ARHGAP24: variants seen among roughly 807,000 people sequenced by gnomAD.
ARHGAP24 encodes rho GTPase-activating protein 24.
In ARHGAP24, 50 loss-of-function variants were observed where a neutral mutation model predicts 76.4. The observed-to-expected ratio is 0.65, with a 90% CI of 0.52 to 0.83. The LOEUF is 0.83. Among genes scored for constraint, ARHGAP24 ranks in the 40% least tolerant of loss-of-function variants. The pLI is 0.00. For missense variants in ARHGAP24, 930 were observed against 914.2 expected (o/e 1.02, Z -0.22); for synonymous variants, 345 against 323.3 (o/e 1.07, Z -0.72).
chr4:85,956,929 T>A (rs1737949388), intron 5 of ARHGAP24, among the ~76,000 whole-genome samples: 1 of 152,200 alleles, frequency 6.6e-6, no homozygotes, highest in Admixed American at 6.5e-5. Flanking sequence ...CCAAAGAGGG[T>A]AGCTGTTGCT....
At chr4:85,868,627 TAGGTGAAA>T (rs1732345802) in intron 3 of ARHGAP24, among the ~76,000 whole-genome samples, 1 of 152,118 alleles carries the variant, frequency 6.6e-6, no homozygotes. Flanking sequence ...AGAAAAGGAT[TAGGTGAAA>T]ACTAAGAAAG....
intron 2 of ARHGAP24, among the ~76,000 whole-genome samples, chr4:85,610,273 C>G (rs532504625): frequency 6.6e-6 from 1 of 151,540 alleles, no homozygotes; most frequent in Non-Finnish European, 1.5e-5. Flanking sequence ...GAAACCTTGT[C>G]TCTACTAAAA....
chr4:85,863,734 G>T (rs1338746149), intron 3 of ARHGAP24, among the ~76,000 whole-genome samples: 1 of 152,120 alleles, frequency 6.6e-6, no homozygotes, highest in Non-Finnish European at 1.5e-5. Context: ...CTGAATGTGT[G>T]CAGTGAGCTT....
intron 2 of ARHGAP24, among the ~76,000 whole-genome samples, chr4:85,677,330 G>A (rs1472540831): frequency 4.6e-5 from 7 of 152,150 alleles, no homozygotes; most frequent in Non-Finnish European, 8.8e-5. Flanking sequence ...CACATTCAGG[G>A]GTGGGAAGGA....
At chr4:85,880,853 A>G (rs764674827) in intron 3 of ARHGAP24, among the ~76,000 whole-genome samples, 1 of 152,218 alleles carries the variant, frequency 6.6e-6, no homozygotes, top group Non-Finnish European at 1.5e-5. Flanking sequence ...AGTTTGAGGT[A>G]CAATGCAAAA....
At chr4:85,636,677 A>G (rs1029343886) in intron 2 of ARHGAP24, among the ~76,000 whole-genome samples, 2 of 152,034 alleles carry the variant, frequency 1.3e-5, no homozygotes, top group African/African-American at 4.8e-5. Flanking sequence ...GGTGGAAATA[A>G]CACAATTTGG....
intron 8 of ARHGAP24, among the ~76,000 whole-genome samples, chr4:85,992,541 G>A (rs1347166666): frequency 6.6e-6 from 1 of 152,050 alleles, no homozygotes; most frequent in Non-Finnish European, 1.5e-5. Context: ...TCCAATGATA[G>A]GAAAAAGGTC....
chr4:85,908,543 A>T (rs562936219), intron 3 of ARHGAP24, among the ~76,000 whole-genome samples: 22 of 152,360 alleles, frequency 1.4e-4, no homozygotes, highest in African/African-American at 5.0e-4. Flanking sequence ...CATATCATTT[A>T]TGCAAATTAA....
At chr4:85,861,651 C>T (rs1488290197) in intron 3 of ARHGAP24, among the ~76,000 whole-genome samples, 1 of 152,028 alleles carries the variant, frequency 6.6e-6, no homozygotes, top group Non-Finnish European at 1.5e-5. Context: ...TCTTTCCTTG[C>T]TATCTCAGGC....
At position 85,942,795 on chromosome 4, in the gene ARHGAP24, A is replaced by G. The variant is rs535857665; in HGVS notation, c.599+522A>G. ...AATAAAAGAATAATGGCAGCCCCAGAGAAGAAAATATAAAGCACTCCTAAC... is the reference window on the plus strand; with the variant it reads ...AATAAAAGAATAATGGCAGCCCCAGGGAAGAAAATATAAAGCACTCCTAAC... On this transcript the variant is annotated intron_variant, in intron 5 of 9. Transcript: ENST00000395184. Among the ~76,000 whole-genome samples the G allele has an allele frequency of 2.1e-4, 32 of 152,298 alleles. No individual in the cohort carries two copies. The South Asian group carries it at 6.6e-3, about 32-fold the overall frequency.
At chr4:85,514,202 A>G (rs1724396222) in intron 1 of ARHGAP24, among the ~76,000 whole-genome samples, 1 of 152,202 alleles carries the variant, frequency 6.6e-6, no homozygotes, top group Admixed American at 6.5e-5. Context: ...GATCTGAAGA[A>G]TATTCTACAT....
chr4:85,995,534 G>A lies in ARHGAP24; in HGVS notation c.1880G>A (p.Ser627Asn), dbSNP rs141455797. ...CGAAGTAGTCGTGCCACCAGTAGCA[G>A]TGACAACAGTGAGACATTTGTGGGC... is the stretch of plus-strand genomic sequence containing the variant. ...GGRSSRATSS[S>N]DNSETFVGNS... Residue 627 changes from serine (S) to asparagine (N), a missense_variant, in exon 9 of 10, where the codon AGT (serine) becomes AAT (asparagine). Transcript: ENST00000395184. 1.5e-5 allele frequency: 24 copies of A among 1,609,626 alleles called. No homozygotes were observed. Among genetic ancestry groups the A allele is most frequent in the Non-Finnish European group, 2.0e-5 (24 of 1,177,204 alleles).
intron 2 of ARHGAP24, among the ~76,000 whole-genome samples, chr4:85,680,175 C>T (rs1463000041): frequency 6.6e-6 from 1 of 152,140 alleles, no homozygotes; most frequent in South Asian, 2.1e-4. Flanking sequence ...ATGAGCAGTA[C>T]AAGGGAACTT....
At chr4:85,563,003 T>C (rs1211474419) in intron 1 of ARHGAP24, among the ~76,000 whole-genome samples, 1 of 152,110 alleles carries the variant, frequency 6.6e-6, no homozygotes, top group Non-Finnish European at 1.5e-5. Context: ...GCTCAAGTAA[T>C]TTATTATGGA....
At chr4:85,882,336 G>A (rs1184462667) in intron 3 of ARHGAP24, among the ~76,000 whole-genome samples, 1 of 152,094 alleles carries the variant, frequency 6.6e-6, no homozygotes, top group Non-Finnish European at 1.5e-5. Flanking sequence ...CATAACATAT[G>A]CAAAGTTTTT....
At chr4:85,894,300 T>C (rs1734013582) in intron 3 of ARHGAP24, among the ~76,000 whole-genome samples, 2 of 152,054 alleles carry the variant, frequency 1.3e-5, no homozygotes, top group Admixed American at 1.3e-4. Context: ...GCAAATAAGA[T>C]TCTTCAGAAA....
At chr4:85,536,037 T>C (rs1725457067) in intron 1 of ARHGAP24, among the ~76,000 whole-genome samples, 1 of 152,130 alleles carries the variant, frequency 6.6e-6, no homozygotes, top group Non-Finnish European at 1.5e-5. Context: ...TCCACCTGTG[T>C]TCCATTCATT....
chr4:85,832,603 C>T (rs1730053533), intron 3 of ARHGAP24, among the ~76,000 whole-genome samples: 1 of 152,212 alleles, frequency 6.6e-6, no homozygotes, highest in Non-Finnish European at 1.5e-5. Flanking sequence ...CCTCTCTTAA[C>T]ACCAAATATA....
chr4:85,802,351 A>G (rs923108951), intron 3 of ARHGAP24, among the ~76,000 whole-genome samples: 1 of 152,224 alleles, frequency 6.6e-6, no homozygotes, highest in Non-Finnish European at 1.5e-5. Context: ...TTAATGCCAG[A>G]AAGAGTTTTG....
Sources: gnomAD v4.1 joint callset for allele counts (sites outside exome capture counted in the v4.1 genomes callset) on GRCh38, gnomAD v4.1.1 for gene constraint, MANE v1.5 for transcripts, NCBI Gene and HGNC (gene_info 2026-07-23, HGNC 2026-07-21) for gene names.